Variants in FHIT observed in about 807,000 individuals in gnomAD.
FHIT encodes bis(5'-adenosyl)-triphosphatase.
Under a neutral mutation model 17.9 loss-of-function variants are expected in FHIT, and 19 were observed. The ratio of observed to expected loss-of-function variants is 1.06; its 90% CI spans 0.74 to 1.56. The LOEUF (loss-of-function observed/expected upper bound fraction) is 1.56, where lower values mean the gene tolerates loss of function less well. FHIT is among the 40% of genes most tolerant of loss of function. FHIT has a pLI of 0.00. For synonymous variants in FHIT, 81 were observed against 69.7 expected, an observed-to-expected ratio of 1.16 and a Z score of -0.81; for missense variants, 248 against 189.2, an observed-to-expected ratio of 1.31 and a Z score of -1.82.
chr3:60,919,199 A>G (rs1490827729), intron 3 of FHIT, among the ~76,000 whole-genome samples: 1 of 152,190 alleles, frequency 6.6e-6, no homozygotes, highest in Non-Finnish European at 1.5e-5. Flanking sequence ...TGGTTTCCCA[A>G]TTTGCAACAA....
At chr3:61,175,060 G>A (rs2038117475) in intron 2 of FHIT, among the ~76,000 whole-genome samples, 1 of 152,040 alleles carries the variant, frequency 6.6e-6, no homozygotes, top group Admixed American at 6.6e-5. Context: ...CCTCACGAAA[G>A]GTTAAGAAAA....
intron 5 of FHIT, among the ~76,000 whole-genome samples, chr3:60,222,217 T>C (rs1262884479): frequency 7.4e-6 from 1 of 134,354 alleles, no homozygotes; most frequent in Non-Finnish European, 1.6e-5. Context: ...TATTCATGCA[T>C]TCATTCATTC....
At chr3:60,409,946 G>A (rs984323969) in intron 5 of FHIT, among the ~76,000 whole-genome samples, 1 of 152,126 alleles carries the variant, frequency 6.6e-6, no homozygotes, top group Admixed American at 6.5e-5. Context: ...TATAGATGAA[G>A]CAAGCTTCTA....
intron 4 of FHIT, among the ~76,000 whole-genome samples, chr3:60,734,298 G>C (rs147286578): frequency 6.6e-6 from 1 of 152,204 alleles, no homozygotes; most frequent in African/African-American, 2.4e-5. Context: ...GTTGGCATGA[G>C]AGCTGAAGAT....
chr3:60,576,499 G>C (rs539861382), intron 4 of FHIT, among the ~76,000 whole-genome samples: 2 of 152,042 alleles, frequency 1.3e-5, no homozygotes, highest in African/African-American at 2.4e-5. Context: ...CGAGTCCTTG[G>C]AGCATAAAAA....
intron 5 of FHIT, among the ~76,000 whole-genome samples, chr3:60,393,920 C>T (rs540345604): frequency 1.3e-5 from 2 of 152,166 alleles, no homozygotes; most frequent in Non-Finnish European, 2.9e-5. Flanking sequence ...TCAGTAATAA[C>T]TGCAAGAGAG....
intron 6 of FHIT, among the ~76,000 whole-genome samples, chr3:60,012,275 T>G (rs1700171028): frequency 6.7e-6 from 1 of 149,088 alleles, no homozygotes; most frequent in South Asian, 2.1e-4. Flanking sequence ...TGTTTTTTTT[T>G]TTTTTTTTTT....
At chr3:60,521,073 T>C (rs1210103696) in intron 5 of FHIT, among the ~76,000 whole-genome samples, 1 of 152,060 alleles carries the variant, frequency 6.6e-6, no homozygotes, top group Non-Finnish European at 1.5e-5. Context: ...TAAACTTGAG[T>C]CTGGGTTTTT....
intron 5 of FHIT, among the ~76,000 whole-genome samples, chr3:60,059,046 C>T (rs575994318): frequency 2.0e-4 from 31 of 152,216 alleles, no homozygotes; most frequent in African/African-American, 6.0e-4. Context: ...GGTAGTCAGG[C>T]GTGATGGGGC....
At chr3:60,430,368 A>G (rs987889449) in intron 5 of FHIT, among the ~76,000 whole-genome samples, 1 of 152,064 alleles carries the variant, frequency 6.6e-6, no homozygotes, top group African/African-American at 2.4e-5. Context: ...CCACAGAAGT[A>G]TAATACAGAA....
intron 3 of FHIT, among the ~76,000 whole-genome samples, chr3:60,919,717 C>T (rs79264003): frequency 2.0e-5 from 3 of 152,226 alleles, no homozygotes; most frequent in East Asian, 1.9e-4. Context: ...TGTCTAATCA[C>T]GAGCTGTATA....
intron 8 of FHIT, among the ~76,000 whole-genome samples, chr3:59,820,976 G>A (rs1307397474): frequency 1.3e-5 from 2 of 152,214 alleles, no homozygotes; most frequent in Non-Finnish European, 1.5e-5. Flanking sequence ...GAAAGAAGAT[G>A]TTTATGGGAA....
rs145057500 is a variant in FHIT at position 60,634,278 on chromosome 3, C to T, written c.-17-97299G>A. On this transcript the variant is annotated intron_variant, in intron 4 of 9. Transcript: ENST00000492590. Reference sequence around the variant, plus strand: ...ACGGGTTGCCAATCTACTCTCACACCACTCTAAAACAACAAAAAAAAAATC... The same window carrying T: ...ACGGGTTGCCAATCTACTCTCACACTACTCTAAAACAACAAAAAAAAAATC... Among the ~76,000 whole-genome samples the T allele has an allele frequency of 3.3e-3, 488 of 148,076 alleles. 1 individual carries two copies. Among genetic ancestry groups the T allele is most frequent in the Non-Finnish European group, 6.0e-3 (400 of 66,454 alleles).
intron 5 of FHIT, among the ~76,000 whole-genome samples, chr3:60,284,909 T>G (rs1707648688): frequency 6.6e-6 from 1 of 152,154 alleles, no homozygotes; most frequent in Admixed American, 6.5e-5. Flanking sequence ...TATCTGTGTT[T>G]GGCTTTGCTA....
At chr3:60,860,772 AT>A (rs1412604711) in intron 3 of FHIT, among the ~76,000 whole-genome samples, 36 of 1,474 alleles carry the variant, frequency 0.024, 13 homozygotes, top group Non-Finnish European at 0.12. Context: ...ATACATATGT[AT>A]CATATATCAG....
intron 4 of FHIT, among the ~76,000 whole-genome samples, chr3:60,616,568 A>C (rs1157113541): frequency 6.6e-6 from 1 of 152,212 alleles, no homozygotes; most frequent in Non-Finnish European, 1.5e-5. Context: ...TGAAATTAAA[A>C]ACACAATACC....
intron 5 of FHIT, among the ~76,000 whole-genome samples, chr3:60,042,637 C>G (rs1701487975): frequency 6.6e-6 from 1 of 152,104 alleles, no homozygotes; most frequent in Non-Finnish European, 1.5e-5. Context: ...GGGCCCACCC[C>G]AGTGACCTCA....
intron 4 of FHIT, among the ~76,000 whole-genome samples, chr3:60,559,556 GCTCT>G (rs988415205): frequency 7.2e-5 from 11 of 152,044 alleles, no homozygotes; most frequent in African/African-American, 2.7e-4. Context: ...TTGCTGGTGT[GCTCT>G]CTCTCACTTT....
chr3:60,907,540 T>C (rs1212015449), intron 3 of FHIT, among the ~76,000 whole-genome samples: 1 of 152,190 alleles, frequency 6.6e-6, no homozygotes, highest in Admixed American at 6.5e-5. Flanking sequence ...ATATATTAGA[T>C]TACATATCAA....
Sources: allele counts gnomAD v4.1 joint callset (sites outside exome capture counted in the v4.1 genomes callset), GRCh38; gene constraint gnomAD v4.1.1; transcripts MANE v1.5; gene names NCBI Gene and HGNC (gene_info 2026-07-23, HGNC 2026-07-21).